PTPN3: variants seen among roughly 807,000 people sequenced by gnomAD.
PTPN3 encodes protein tyrosine phosphatase non-receptor type 3.
A neutral mutation model predicts 132.7 loss-of-function variants in PTPN3; 96 were observed. The observed-to-expected ratio is 0.72, with a 90% CI of 0.61 to 0.86. PTPN3 has a LOEUF of 0.86. Among genes scored for constraint, PTPN3 ranks in the 40% least tolerant of loss-of-function variants. PTPN3 has a pLI of 0.00. For synonymous variants in PTPN3, 398 were observed against 429.0 expected (o/e 0.93, Z 0.89); for missense variants, 1,125 against 1,159.6 (o/e 0.97, Z 0.43).
Position 109,382,315 on chromosome 9 carries a change from G to A in PTPN3, c.2515C>T (p.Leu839=), listed in dbSNP as rs774978518. The change falls in exon 24 of 26, where the codon CTA becomes TTA. Residue 839 remains leucine (L), a synonymous_variant. Transcript: ENST00000374541. ...CAAGCGCCATACCTGCAGTGAACTAGGACGGGCTCGCTGTCCACTCTCAGA... is the reference window on the plus strand; with the variant it reads ...CAAGCGCCATACCTGCAGTGAACTAAGACGGGCTCGCTGTCCACTCTCAGA... The part of the protein sequence containing the change: ...RSLRVDSEPV[L]VHCSAGIGRT... 7.9e-5 allele frequency: 128 copies of A among 1,613,840 alleles called. No individual in the cohort carries two copies. Among genetic ancestry groups the A allele is most frequent in the Non-Finnish European group, 1.0e-4 (121 of 1,179,906 alleles).
At chr9:109,394,822 T>G (rs1461862283) in intron 19 of PTPN3, among the ~76,000 whole-genome samples, 1 of 152,116 alleles carries the variant, frequency 6.6e-6, no homozygotes, top group Non-Finnish European at 1.5e-5. Context: ...ACATAAAAAA[T>G]TGTTGTTTGT....
At chr9:109,423,336 G>C (rs1843010875) in intron 12 of PTPN3, among the ~76,000 whole-genome samples, 2 of 152,246 alleles carry the variant, frequency 1.3e-5, no homozygotes, top group Admixed American at 1.3e-4. Context: ...TGGGCACAGT[G>C]GCTCATGCCT....
intron 16 of PTPN3, among the ~76,000 whole-genome samples, chr9:109,409,101 T>G (rs551225128): frequency 6.6e-6 from 1 of 152,078 alleles, no homozygotes; most frequent in South Asian, 2.1e-4. Flanking sequence ...GAGTGAGGGC[T>G]CTGATTCAAC....
rs377153146 is a variant in PTPN3, at chr9:109,443,050, C to T, written c.466+2190G>A. On this transcript the variant is annotated intron_variant, in intron 7 of 25. Coordinates refer to ENST00000374541, the MANE Select transcript of PTPN3 (RefSeq NM_002829.4). ...ACCAAGATTAGGAGAGGCAATCCCA[C>T]ATAACTGGCCACCGGAGACATCAGA... 2.6e-5 allele frequency among the ~76,000 whole-genome samples: 4 copies of T among 151,572 alleles called. No homozygotes were observed. In the East Asian group the frequency reaches 5.8e-4, roughly 22 times the overall value.
chr9:109,419,095 C>T (rs1021967723), intron 14 of PTPN3, among the ~76,000 whole-genome samples: 4 of 152,238 alleles, frequency 2.6e-5, no homozygotes, highest in African/African-American at 9.6e-5. Flanking sequence ...GACAAAGGGG[C>T]AGCAGGCTGC....
At chr9:109,394,628 T>C (rs1176365417) in intron 19 of PTPN3, among the ~76,000 whole-genome samples, 2 of 152,142 alleles carry the variant, frequency 1.3e-5, no homozygotes, top group East Asian at 1.9e-4. Context: ...TTTTTATTTA[T>C]ACAATTTTAT....
In PTPN3 at chr9:109,377,009, A is replaced by T. The variant is rs1838611845; in HGVS notation, c.*2547T>A. On this transcript the variant is annotated 3_prime_UTR_variant, in exon 26 of 26. Transcript: ENST00000374541. Reference sequence around the variant, plus strand: ...CTGCATTTCTGCAACCATAATAAACAATTTGTTTTTGGAAAAAAGCAGTAA... The same window carrying T: ...CTGCATTTCTGCAACCATAATAAACTATTTGTTTTTGGAAAAAAGCAGTAA... 1 of 152,196 alleles carries T rather than the reference A, an allele frequency of 6.6e-6. No individual in the cohort carries two copies. Among genetic ancestry groups the T allele is most frequent in the Non-Finnish European group, 1.5e-5 (1 of 68,038 alleles). 9.4% of individuals were successfully genotyped at this position (152,196 alleles called of 1,614,324 possible).
chr9:109,429,669 A>G (rs1008686703), intron 10 of PTPN3, among the ~76,000 whole-genome samples: 3 of 152,232 alleles, frequency 2.0e-5, no homozygotes, highest in African/African-American at 7.2e-5. Context: ...CTTTTCAAAT[A>G]CACGAGTTTT....
At chr9:109,392,007 G>A (rs1840162338) in intron 19 of PTPN3, among the ~76,000 whole-genome samples, 1 of 151,958 alleles carries the variant, frequency 6.6e-6, no homozygotes, top group Non-Finnish European at 1.5e-5. Flanking sequence ...ATCATTTCAG[G>A]AGTCTATTTC....
rs535147061 is a variant in PTPN3, at chr9:109,470,524, A to G, written c.-17-7073T>C. On this transcript the variant is annotated intron_variant, in intron 1 of 25. Transcript: ENST00000374541. ...GATAAAATTTACTAGTGAGACCATCATATCTACAAAAAAAAAAAAAAATTA... is the reference window on the plus strand; with the variant it reads ...GATAAAATTTACTAGTGAGACCATCGTATCTACAAAAAAAAAAAAAAATTA... Among the ~76,000 whole-genome samples the G allele has an allele frequency of 1.3e-3, 171 of 134,956 alleles. 1 individual carries two copies. Among genetic ancestry groups the G allele is most frequent in the South Asian group, 7.3e-3 (29 of 3,978 alleles). The allele number at this position is 134,956 out of a possible 152,430, so 88.5% of individuals were successfully genotyped here.
intron 24 of PTPN3, among the ~76,000 whole-genome samples, 189 bp from the exon 25 acceptor site, chr9:109,381,976 T>C (rs1839138506): frequency 6.6e-6 from 1 of 152,202 alleles, no homozygotes; most frequent in South Asian, 2.1e-4. Flanking sequence ...GACTGGGGGC[T>C]AGCAGGCAGT....
chr9:109,497,186 C>T lies in PTPN3; in HGVS notation c.-18+1033G>A, dbSNP rs549261711. On this transcript the variant is annotated intron_variant, in intron 1 of 25. Coordinates refer to ENST00000374541, the MANE Select transcript of PTPN3 (RefSeq NM_002829.4). ...ACAGAGACAGGGTCTGTCACTCCAC[C>T]ACTAGGCCCTGAAGATGGTTTCCTA... is the stretch of plus-strand genomic sequence containing the variant. Among the ~76,000 whole-genome samples the T allele has an allele frequency of 4.6e-5, 7 of 152,290 alleles. No individual in the cohort carries two copies. In the South Asian group the frequency reaches 8.3e-4, roughly 18 times the overall value.
chr9:109,387,371 A>C (rs1839677155), intron 22 of PTPN3, among the ~76,000 whole-genome samples: 1 of 152,206 alleles, frequency 6.6e-6, no homozygotes, highest in African/African-American at 2.4e-5. Context: ...TAACAAGAGC[A>C]AGGGGGATTA....
At position 109,420,499 on chromosome 9, in the gene PTPN3, A is replaced by C; in HGVS notation, c.1238T>G (p.Phe413Cys). Residue 413 changes from phenylalanine (F) to cysteine (C), a missense_variant, in exon 14 of 26, where the codon TTT becomes TGT. By Grantham distance (205) the Phe-to-Cys change is radical. Transcript: ENST00000374541. ...GGCCAGAGAGCCCTTGTACGTGTAA[A>C]ATACATCTTCCGTTTCCGTGATGTA... Reference protein sequence around the residue: ...MTYITETEDVFYTYKGSLAPQ... With the variant: ...MTYITETEDVCYTYKGSLAPQ... 1 of 1,613,708 alleles carries C rather than the reference A, an allele frequency of 6.2e-7. No individual in the cohort carries two copies. Among genetic ancestry groups the C allele is most frequent in the Non-Finnish European group, 8.5e-7 (1 of 1,179,930 alleles).
At chr9:109,436,105 C>T (rs982787833) in intron 9 of PTPN3, among the ~76,000 whole-genome samples, 2 of 152,196 alleles carry the variant, frequency 1.3e-5, no homozygotes, top group Non-Finnish European at 2.9e-5. Flanking sequence ...CATATGAAAG[C>T]ATCTGGATAA....
At chr9:109,494,214 A>AT (rs1228144638) in intron 1 of PTPN3, among the ~76,000 whole-genome samples, 3 of 152,188 alleles carry the variant, frequency 2.0e-5, no homozygotes, top group African/African-American at 4.8e-5. Flanking sequence ...GCTCACGCCT[A>AT]TATCTCCACA....
At chr9:109,499,348 G>C (rs1459822604), upstream of PTPN3, among the ~76,000 whole-genome samples, 2 of 152,136 alleles carry the variant, frequency 1.3e-5, no homozygotes, top group African/African-American at 4.8e-5. Flanking sequence ...CAGCCACGCA[G>C]ATAAGCAGGG....
intron 6 of PTPN3, among the ~76,000 whole-genome samples, chr9:109,445,733 T>A (rs1263328644): frequency 6.6e-6 from 1 of 152,240 alleles, no homozygotes; most frequent in Non-Finnish European, 1.5e-5. Context: ...GGTTCTAGAT[T>A]ACCCTCTTTC....
Position 109,391,122 on chromosome 9 carries a change from C to G in PTPN3, c.2106+16G>C. The G allele has an allele frequency of 6.2e-7, 1 of 1,607,024 alleles. No homozygotes were observed. The highest frequency in any genetic ancestry group is 2.2e-5 in the East Asian group (1 of 44,852). The stretch of plus-strand genomic sequence containing the variant: ...GGTGAATGTGCTCTTAAGCATCATC[C>G]AGATTCCTAACTTACGTTCACGTAA... On this transcript the variant is annotated intron_variant, in intron 21 of 25. Transcript: ENST00000374541.
Sources: gnomAD v4.1 joint callset for allele counts (sites outside exome capture counted in the v4.1 genomes callset) on GRCh38, gnomAD v4.1.1 for gene constraint, MANE v1.5 for transcripts, NCBI Gene and HGNC (gene_info 2026-07-23, HGNC 2026-07-21) for gene names.